The following ZNF623 variants were observed in gnomAD, a reference collection of about 807,000 sequenced individuals.
ZNF623 encodes the protein zinc finger protein 623.
A neutral mutation model predicts 24.0 loss-of-function variants in ZNF623; 16 were observed. That is an observed-to-expected ratio of 0.67 (90% confidence interval 0.45 to 1.01). The LOEUF is 1.01. ZNF623 is among the 50% of genes least tolerant of loss of function. ZNF623 has a pLI of 0.00. For synonymous variants in ZNF623, 224 were observed against 219.8 expected, an observed-to-expected ratio of 1.02 and a Z score of -0.17; for missense variants, 566 against 606.5, an observed-to-expected ratio of 0.93 and a Z score of 0.70.
intron 1 of ZNF623, among the ~76,000 whole-genome samples, chr8:143,640,596 C>T (rs191931343): frequency 2.6e-5 from 4 of 152,148 alleles, no homozygotes; most frequent in Non-Finnish European, 5.9e-5. Context: ...GGCATCTTCA[C>T]CAGGAGCAGA....
chr8:143,646,016 T>C (rs1815169117), intron 1 of ZNF623, among the ~76,000 whole-genome samples: 1 of 152,136 alleles, frequency 6.6e-6, no homozygotes, highest in South Asian at 2.1e-4. Flanking sequence ...TCACATTTAT[T>C]TCAGTGTTTA....
intron 1 of ZNF623, among the ~76,000 whole-genome samples, chr8:143,648,844 A>G (rs1367548731): frequency 6.6e-6 from 1 of 152,044 alleles, no homozygotes; most frequent in East Asian, 1.9e-4. Context: ...ACAAGAAGCA[A>G]GGTCACCAGT....
intron 1 of ZNF623, among the ~76,000 whole-genome samples, chr8:143,646,783 G>A (rs1815185238): frequency 6.6e-6 from 1 of 152,120 alleles, no homozygotes; most frequent in Non-Finnish European, 1.5e-5. Context: ...TCCTGCCTCA[G>A]TCTCCCATGT....
chr8:143,643,870 A>C (rs1227006981), intron 1 of ZNF623, among the ~76,000 whole-genome samples: 1 of 152,006 alleles, frequency 6.6e-6, no homozygotes, highest in African/African-American at 2.4e-5. Flanking sequence ...CTAGATATTT[A>C]GGGTGTTAGA....
rs542103017 is a variant in ZNF623 at position 143,638,763 on chromosome 8, T to A, written c.-96+2618T>A. ...GAGTGAGACTCTGTCTCAAAAAATA[T>A]ATATATATATCAAATAAAAAAAAAT... On this transcript the variant is annotated intron_variant, in intron 1 of 1. Coordinates refer to ENST00000526926, the MANE Select transcript of ZNF623 (RefSeq NM_001261843.2). 8.5e-4 allele frequency among the ~76,000 whole-genome samples: 129 copies of A among 151,712 alleles called. 1 individual carries two copies. The highest frequency in any genetic ancestry group is 2.8e-3 in the African/African-American group (114 of 41,392).
intron 1 of ZNF623, among the ~76,000 whole-genome samples, chr8:143,648,872 T>C (rs1815229523): frequency 6.7e-6 from 1 of 149,514 alleles, no homozygotes; most frequent in Non-Finnish European, 1.5e-5. Flanking sequence ...GAGGAGGGAG[T>C]GCTGAGTTTG....
At chr8:143,640,941 TAAAAAAAAAA>T (rs57279986) in intron 1 of ZNF623, among the ~76,000 whole-genome samples, 1 of 65,556 alleles carries the variant, frequency 1.5e-5, no homozygotes, top group Middle Eastern at 7.9e-3. Context: ...ACTCTGTCTT[TAAAAAAAAAA>T]AAAAAAAAAA....
rs1256663022 is a variant in ZNF623 at position 143,650,014 on chromosome 8, T to C, written c.22T>C (p.Ser8Pro). Reference protein sequence around the residue: MELPSPESEEVHEPRLGE... With the variant: MELPSPEPEEVHEPRLGE... Reference sequence around the variant, plus strand: ...GGTGATGGAGCTCCCCTCTCCCGAGTCTGAGGAAGTCCACGAGCCCAGATT... The same window carrying C: ...GGTGATGGAGCTCCCCTCTCCCGAGCCTGAGGAAGTCCACGAGCCCAGATT... The change falls in exon 2 of 2, where the codon TCT becomes CCT. Residue 8 changes from serine (S) to proline (P), a missense_variant. By Grantham distance (74) the Ser-to-Pro change is moderately conservative. Transcript: ENST00000526926. This position sits in a 1 kb window ranked among gnomAD's most constrained non-coding sequence, Gnocchi z 5.2. The C allele has an allele frequency of 6.8e-6, 11 of 1,613,994 alleles. No homozygotes were observed. The highest frequency in any genetic ancestry group is 9.3e-6 in the Non-Finnish European group (11 of 1,179,986).
rs1264043070 is a variant in ZNF623 at position 143,652,393 on chromosome 8, ATC to A, written c.*916_*917del. On this transcript the variant is annotated 3_prime_UTR_variant, in exon 2 of 2. Coordinates refer to ENST00000526926, the MANE Select transcript of ZNF623 (RefSeq NM_001261843.2). ...ACCCCTAAATCTATGTGTAATTGGC[ATC>A]TCTCTTGCTTTGTCCTTTCTATACT... 2 of 167,066 alleles carry A rather than the reference ATC, an allele frequency of 1.2e-5. No homozygotes were observed. Among genetic ancestry groups the A allele is most frequent in the African/African-American group, 4.8e-5 (2 of 41,464 alleles). 10.3% of individuals were successfully genotyped at this position (167,066 alleles called of 1,614,324 possible).
intron 1 of ZNF623, chr8:143,649,648 G>A: frequency 1.9e-6 from 1 of 539,558 alleles, no homozygotes; most frequent in Admixed American, 3.5e-5. Context: ...CTAATGGTCA[G>A]AGGAGTGTTG....
At chr8:143,648,507 G>A (rs1199746871) in intron 1 of ZNF623, among the ~76,000 whole-genome samples, 1 of 152,062 alleles carries the variant, frequency 6.6e-6, no homozygotes, top group Non-Finnish European at 1.5e-5. Context: ...GAGAGTCATG[G>A]GGTAGTAATT....
At chr8:143,638,343 A>AG (rs1814970737) in intron 1 of ZNF623, among the ~76,000 whole-genome samples, 2 of 151,008 alleles carry the variant, frequency 1.3e-5, no homozygotes, top group Non-Finnish European at 2.9e-5. Context: ...TCCGTCTTAA[A>AG]AAAAAAAAAA....
Position 143,650,279 on chromosome 8 carries a change from C to A in ZNF623, c.287C>A (p.Ser96Ter), listed in dbSNP as rs138574970. The A allele has an allele frequency of 5.0e-6, 8 of 1,614,102 alleles. No individual in the cohort carries two copies. The highest frequency in any genetic ancestry group is 3.3e-5 in the Admixed American group (2 of 60,006). Reference protein sequence around the residue: ...DICGKTFTFNSDLVRHRISHA... With the variant: ...DICGKTFTFN ...TGTGGCAAAACCTTCACGTTTAATT[C>A]GGACCTAGTTAGGCATCGGATTTCG... The change falls in exon 2 of 2, where the codon TCG becomes TAG. Residue 96 changes from serine to a stop codon, truncating the protein, a stop_gained. Transcript: ENST00000526926. LOFTEE classifies it low-confidence loss of function (END_TRUNC). The surrounding 1 kb of genome is among the most constrained non-coding windows in gnomAD (Gnocchi z 5.2).
chr8:143,648,337 G>C (rs1374616989), intron 1 of ZNF623, among the ~76,000 whole-genome samples: 2 of 152,138 alleles, frequency 1.3e-5, no homozygotes, highest in Non-Finnish European at 2.9e-5. Context: ...GGCTGTGTCA[G>C]TGCCACCGCA....
At position 143,650,421 on chromosome 8, in the gene ZNF623, G is replaced by A. The variant is rs777239594; in HGVS notation, c.429G>A (p.Val143=). The part of the protein sequence containing the change: ...HTGERLYVCN[V]CGKDFIHYSG... ...GAGAGAGACTCTACGTCTGTAATGT[G>A]TGTGGGAAAGACTTCATTCACTATT... is the stretch of plus-strand genomic sequence containing the variant. The change falls in exon 2 of 2, where the codon GTG becomes GTA. Residue 143 remains valine, a synonymous_variant. Coordinates refer to ENST00000526926, the MANE Select transcript of ZNF623 (RefSeq NM_001261843.2). This position sits in a 1 kb window ranked among gnomAD's most constrained non-coding sequence, Gnocchi z 5.2. The A allele has an allele frequency of 6.2e-7, 1 of 1,614,098 alleles. No homozygotes were observed. The highest frequency in any genetic ancestry group is 8.5e-7 in the Non-Finnish European group (1 of 1,180,026).
chr8:143,650,123 C>T lies in ZNF623; in HGVS notation c.131C>T (p.Thr44Ile), dbSNP rs1815262411. ...AGGGGCTGCAAGCAGGTGACAGTGA[C>T]CCATTGGAAGATCCAGACAGGAGAG... ...QDRGCKQVTV[T>I]HWKIQTGETA... The change falls in exon 2 of 2, where the codon ACC becomes ATC. Residue 44 changes from threonine to isoleucine, a missense_variant. This residue lies in a region of ZNF623 where 313 missense variants were observed against 300.4 expected (regional missense o/e 1.04). Coordinates refer to ENST00000526926, the MANE Select transcript of ZNF623 (RefSeq NM_001261843.2). The surrounding 1 kb of genome is among the most constrained non-coding windows in gnomAD (Gnocchi z 5.2). The T allele has an allele frequency of 4.3e-6, 7 of 1,613,992 alleles. No homozygotes were observed. Among genetic ancestry groups the T allele is most frequent in the Non-Finnish European group, 5.1e-6 (6 of 1,180,046 alleles).
At chr8:143,646,555 G>A (rs1271546143) in intron 1 of ZNF623, among the ~76,000 whole-genome samples, 1 of 151,802 alleles carries the variant, frequency 6.6e-6, no homozygotes, top group Non-Finnish European at 1.5e-5. Context: ...GCGTGTGTGT[G>A]TGTGTGTGTG....
At position 143,650,231 on chromosome 8, in the gene ZNF623, G is replaced by A; in HGVS notation, c.239G>A (p.Gly80Glu). 1 of 1,614,216 alleles carries A rather than the reference G, an allele frequency of 6.2e-7. No homozygotes were observed. The highest frequency in any genetic ancestry group is 8.5e-7 in the Non-Finnish European group (1 of 1,180,046). Reference sequence around the variant, plus strand: ...CTGCTTCAGAGAGAGCTCATAGAGGGGGAAGCCAATCCTTGCGATATCTGT... The same window carrying A: ...CTGCTTCAGAGAGAGCTCATAGAGGAGGAAGCCAATCCTTGCGATATCTGT... The part of the protein sequence containing the change: ...LLLLQRELIE[G>E]EANPCDICGK... The change falls in exon 2 of 2, where the codon GGG (glycine) becomes GAG (glutamate). Residue 80 changes from glycine (G) to glutamate (E), a missense_variant. Physicochemically the swap from Gly to Glu is moderately conservative, Grantham distance 98. This residue lies in a region of ZNF623 where 313 missense variants were observed against 300.4 expected (regional missense o/e 1.04). Transcript: ENST00000526926. This position sits in a 1 kb window ranked among gnomAD's most constrained non-coding sequence, Gnocchi z 5.2.
intron 1 of ZNF623, among the ~76,000 whole-genome samples, chr8:143,641,400 A>T (rs1302462906): frequency 6.6e-6 from 1 of 150,932 alleles, no homozygotes; most frequent in African/African-American, 2.5e-5. Context: ...GTTCATCTCC[A>T]TCAGAGCTCT....
Sources: gnomAD v4.1 joint callset for allele counts (sites outside exome capture counted in the v4.1 genomes callset) on GRCh38, gnomAD v4.1.1 for gene constraint, gnomAD v4.1.1 regional missense constraint, Gnocchi (gnomAD v3.1) non-coding constraint, MANE v1.5 for transcripts, NCBI Gene and HGNC (gene_info 2026-07-23, HGNC 2026-07-21) for gene names.